The following TMEM276 variants were observed in gnomAD, a reference collection of about 807,000 sequenced individuals.
TMEM276 encodes transmembrane protein 276.
At chr8:144,464,991 C>G in the TMEM276 span, 2 of 1,552,694 alleles carry the variant, frequency 1.3e-6, no homozygotes, top group African/African-American at 2.7e-5. Flanking sequence ...CGACCTGGAG[C>G]CCTACGCGCG....
chr8:144,464,048 G>A, the TMEM276 span: 6 of 1,549,720 alleles, frequency 3.9e-6, no homozygotes, highest in African/African-American at 1.4e-5. Context: ...TCTACCCCTA[G>A]GGAGAAGGCG....
chr8:144,465,316 G>C, the TMEM276 span: 10 of 1,090,442 alleles, frequency 9.2e-6, no homozygotes, highest in South Asian at 1.4e-4. Context: ...GAGGAGCGAC[G>C]GCGCAGGACT....
the TMEM276 span, chr8:144,463,926 T>C: frequency 6.9e-7 from 1 of 1,443,606 alleles, no homozygotes; most frequent in Non-Finnish European, 9.1e-7. Context: ...TCTGGGACCC[T>C]GTCCCTTTCA....
the TMEM276 span, chr8:144,466,233 C>T: frequency 1.9e-4 from 37 of 192,358 alleles, no homozygotes; most frequent in Non-Finnish European, 3.6e-4. Context: ...CGGCGGGTCT[C>T]CAGGTGCGGC....
At chr8:144,466,428 C>T in the TMEM276 span, 6 of 1,347,990 alleles carry the variant, frequency 4.5e-6, no homozygotes, top group East Asian at 3.5e-5. Flanking sequence ...CCATGTACGC[C>T]TTTTACTCGT....
chr8:144,465,362 C>A, the TMEM276 span: 1 of 1,065,684 alleles, frequency 9.4e-7, no homozygotes, highest in Non-Finnish European at 1.1e-6. Flanking sequence ...CCGGGCTGCG[C>A]GGTCCCAACG....
chr8:144,466,323 C>T, the TMEM276 span: 1 of 325,066 alleles, frequency 3.1e-6, no homozygotes, highest in Non-Finnish European at 4.9e-6. Context: ...GCGGCCGTCG[C>T]GAGCATGCGC....
the TMEM276 span, chr8:144,466,936 C>T: frequency 6.3e-6 from 10 of 1,582,788 alleles, no homozygotes; most frequent in Middle Eastern, 1.7e-4. Flanking sequence ...GAAATGTCTC[C>T]CGCCCTCCTC....
chr8:144,466,969 G>T, the TMEM276 span: 1 of 1,595,022 alleles, frequency 6.3e-7, no homozygotes. Flanking sequence ...CCAGCTCCGA[G>T]CCTGAGGATG....
chr8:144,466,691 G>T, the TMEM276 span: 2 of 1,318,192 alleles, frequency 1.5e-6, no homozygotes, highest in Non-Finnish European at 2.0e-6. Context: ...CTCCGGCCCG[G>T]TTCGCGGAGG....
At chr8:144,466,862 C>G in the TMEM276 span, 1 of 1,536,586 alleles carries the variant, frequency 6.5e-7, no homozygotes, top group Non-Finnish European at 8.7e-7. Flanking sequence ...GGGAGTCCCG[C>G]GGTGCGAGGG....
the TMEM276 span, chr8:144,464,679 G>C: frequency 1.9e-6 from 3 of 1,572,278 alleles, no homozygotes; most frequent in Admixed American, 3.6e-5. Flanking sequence ...AAACAGGAAA[G>C]GGTTTGGGGC....
At chr8:144,466,448 A>G in the TMEM276 span, 5 of 1,362,818 alleles carry the variant, frequency 3.7e-6, no homozygotes, top group East Asian at 3.4e-5. Flanking sequence ...TTGCTCATCT[A>G]CATCTTCTAC....
the TMEM276 span, chr8:144,466,624 G>A: frequency 6.9e-6 from 6 of 873,516 alleles, no homozygotes; most frequent in Admixed American, 1.7e-4. Flanking sequence ...CGACGGGGCC[G>A]TGCCGAGGAC....
the TMEM276 span, chr8:144,465,531 T>TGGG: frequency 2.8e-5 from 11 of 396,070 alleles, no homozygotes; most frequent in African/African-American, 8.7e-4. Flanking sequence ...CTAGAGCGGC[T>TGGG]GGGGGGGGAG....
At chr8:144,464,197 CG>C in the TMEM276 span, 3 of 1,613,044 alleles carry the variant, frequency 1.9e-6, no homozygotes, top group Non-Finnish European at 2.5e-6. Context: ...CAAGGCCCAG[CG>C]ACAGACATCC....
chr8:144,466,896 G>A, the TMEM276 span: 4 of 1,548,580 alleles, frequency 2.6e-6, no homozygotes, highest in Admixed American at 1.9e-5. Context: ...TCCCAGGGAG[G>A]GGCGGAGGCC....
the TMEM276 span, chr8:144,466,502 C>T: frequency 2.3e-6 from 3 of 1,302,214 alleles, no homozygotes; most frequent in African/African-American, 1.6e-5. Context: ...GCCGCGGAGC[C>T]CGGGGACCCC....
chr8:144,464,318 C>A, the TMEM276 span: 2 of 1,612,932 alleles, frequency 1.2e-6, no homozygotes, highest in Admixed American at 3.3e-5. Context: ...AAGACAGCTA[C>A]AATGAGGATG....
Sources: allele counts gnomAD v4.1 joint callset, GRCh38; gene constraint gnomAD v4.1.1; transcripts MANE v1.5; gene names NCBI Gene and HGNC (gene_info 2026-07-23, HGNC 2026-07-21).